The following SLC35D1 variants were observed in gnomAD, a reference collection of about 807,000 sequenced individuals.
SLC35D1 encodes the protein nucleotide sugar transporter SLC35D1.
SLC35D1 carries 31 observed loss-of-function variants against 46.7 expected under a neutral mutation model. The ratio of observed to expected loss-of-function variants is 0.66; its 90% CI spans 0.50 to 0.90. The LOEUF (loss-of-function observed/expected upper bound fraction) is 0.90, where lower values mean the gene tolerates loss of function less well. SLC35D1 is among the 40% of genes least tolerant of loss of function. The pLI is 0.00. For synonymous variants in SLC35D1, 195 were observed against 164.6 expected (o/e 1.18, Z -1.41); for missense variants, 397 against 426.2 (o/e 0.93, Z 0.60).
the SLC35D1 span, chr1:66,988,399 T>TA: frequency 6.6e-6 from 1 of 152,048 alleles, no homozygotes; most frequent in African/African-American, 2.4e-5. Context: ...TCCACCCACT[T>TA]ACAGACTGAT....
chr1:67,017,485 C>G (rs766314062), intron 10 of SLC35D1, among the ~76,000 whole-genome samples: 15 of 152,040 alleles, frequency 9.9e-5, no homozygotes, highest in Non-Finnish European at 1.8e-4. Context: ...TCTTAAAGCC[C>G]TACAAACTGA....
chr1:66,985,224 C>T, the SLC35D1 span: 1 of 969,080 alleles, frequency 1.0e-6, no homozygotes, highest in Non-Finnish European at 1.2e-6. Flanking sequence ...GTATCTGTAC[C>T]TTCTCATTTG....
At chr1:67,022,841 C>T (rs547052642) in intron 8 of SLC35D1, among the ~76,000 whole-genome samples, 33 of 152,236 alleles carry the variant, frequency 2.2e-4, no homozygotes, top group South Asian at 8.3e-4. Flanking sequence ...AGTCAATCTC[C>T]CCTCCATTTC....
rs760133163 is a variant in SLC35D1 at position 67,052,059 on chromosome 1, T to C, written c.345A>G (p.Leu115=). The change falls in exon 4 of 12, where the codon CTA becomes CTG. Residue 115 remains leucine, a synonymous_variant. Transcript: ENST00000235345. Reference sequence around the variant, plus strand: ...GTCCCGTGATTTGGTTCCCAAAATATAGTAGAGGTAGTGGAAACGTCTAGA... The same window carrying C: ...GTCCCGTGATTTGGTTCCCAAAATACAGTAGAGGTAGTGGAAACGTCTAGA... The part of the protein sequence containing the change: ...VPRKTFPLPL[L]YFGNQITGLF... 5.0e-6 allele frequency: 8 copies of C among 1,608,778 alleles called. No homozygotes were observed. The highest frequency in any genetic ancestry group is 4.5e-5 in the East Asian group (2 of 44,764).
At chr1:67,052,715 T>C (rs1214497869) in intron 3 of SLC35D1, 56 bp downstream of exon 3, 7 of 1,579,010 alleles carry the variant, frequency 4.4e-6, no homozygotes, top group African/African-American at 1.3e-5. Flanking sequence ...TGATAAAATA[T>C]GTTAATACAT....
chr1:66,998,823 G>A (rs147176089), downstream of SLC35D1, among the ~76,000 whole-genome samples: 471 of 152,260 alleles, frequency 3.1e-3, 2 homozygotes, highest in African/African-American at 0.011. Flanking sequence ...GGTGGTTATC[G>A]ATGACTGAGG....
the SLC35D1 span, among the ~76,000 whole-genome samples, chr1:66,984,013 T>C: frequency 0.019 from 2,874 of 152,350 alleles, 45 homozygotes; most frequent in Middle Eastern, 0.051. Flanking sequence ...CGTGAGCCAC[T>C]GCACCCAGCC....
intron 8 of SLC35D1, among the ~76,000 whole-genome samples, chr1:67,027,777 G>C (rs938800052): frequency 2.0e-5 from 3 of 152,124 alleles, no homozygotes; most frequent in Non-Finnish European, 4.4e-5. Context: ...TGTTGCCGAG[G>C]CTGGAGTGCA....
At chr1:67,047,843 A>T (rs1448952260) in intron 6 of SLC35D1, among the ~76,000 whole-genome samples, 1 of 152,038 alleles carries the variant, frequency 6.6e-6, no homozygotes, top group Non-Finnish European at 1.5e-5. Flanking sequence ...GATCATGGTT[A>T]GTTCTGAGAT....
intron 11 of SLC35D1, among the ~76,000 whole-genome samples, chr1:67,008,738 C>A (rs1558149925): frequency 1.3e-5 from 2 of 152,078 alleles, no homozygotes; most frequent in Non-Finnish European, 2.9e-5. Flanking sequence ...GGCCAGGGAA[C>A]AACAGTCCTA....
At chr1:67,049,189 G>T (rs999358994) in intron 6 of SLC35D1, among the ~76,000 whole-genome samples, 26 of 152,190 alleles carry the variant, frequency 1.7e-4, no homozygotes, top group African/African-American at 6.0e-4. Flanking sequence ...AGCTACTCGG[G>T]AGGCTGAGGC....
intron 10 of SLC35D1, among the ~76,000 whole-genome samples, chr1:67,011,439 T>C (rs1255372098): frequency 1.3e-5 from 2 of 152,174 alleles, no homozygotes. Flanking sequence ...TGGAATCTGG[T>C]CAAGTGGATG....
At chr1:67,039,493 T>TTGTGTGTGTGTGTGTGTG (rs71801070) in intron 8 of SLC35D1, among the ~76,000 whole-genome samples, 2 of 148,666 alleles carry the variant, frequency 1.3e-5, no homozygotes, top group East Asian at 2.0e-4. Flanking sequence ...AGTGAAAAAA[T>TTGTGTGTGTGTGTGTGTG]TGTGTGTGTG....
At chr1:66,974,259 T>C in the SLC35D1 span, among the ~76,000 whole-genome samples, 12 of 152,222 alleles carry the variant, frequency 7.9e-5, no homozygotes, top group Non-Finnish European at 1.6e-4. Flanking sequence ...GTAATTAGTT[T>C]CAAAAATGTA....
Position 67,020,394 on chromosome 1 carries a change from G to T in SLC35D1, c.851C>A (p.Thr284Lys), listed in dbSNP as rs143745141. ...VLCTQYNSAL[T>K]TTIVGCIKNI... ...CTTAATACAGCCAACTATTGTAGTTGTAAGAGCAGAATTATACTGCGTGCA... is the reference window on the plus strand; with the variant it reads ...CTTAATACAGCCAACTATTGTAGTTTTAAGAGCAGAATTATACTGCGTGCA... The change falls in exon 10 of 12, where the codon ACA becomes AAA. Residue 284 changes from threonine (T) to lysine (K), a missense_variant. Thr to Lys is a moderately conservative substitution (Grantham distance 78). Transcript: ENST00000235345. 2 of 1,608,886 alleles carry T rather than the reference G, an allele frequency of 1.2e-6. No homozygotes were observed. Among genetic ancestry groups the T allele is most frequent in the African/African-American group, 1.3e-5 (1 of 74,916 alleles).
Position 67,015,333 on chromosome 1 carries a change from C to T in SLC35D1, c.876+5036G>A, listed in dbSNP as rs115907001. On this transcript the variant is annotated intron_variant, in intron 10 of 11. Transcript: ENST00000235345. Reference sequence around the variant, plus strand: ...AAATTAAATAGATTTATTTACAAGGCTTTATTAAAAATTAACTTTAATGTT... The same window carrying T: ...AAATTAAATAGATTTATTTACAAGGTTTTATTAAAAATTAACTTTAATGTT... Among the ~76,000 whole-genome samples the T allele has an allele frequency of 5.9e-3, 901 of 151,886 alleles. 7 individuals carry two copies. The highest frequency in any genetic ancestry group is 0.02 in the African/African-American group (840 of 41,442).
chr1:66,976,766 A>G, the SLC35D1 span: 3 of 1,444,032 alleles, frequency 2.1e-6, no homozygotes, highest in Non-Finnish European at 2.8e-6. Context: ...CATTTTTGCT[A>G]AGCTTTTCTA....
At chr1:66,994,147 TAGCACAGGTGGGCCATG>T in the SLC35D1 span, among the ~76,000 whole-genome samples, 1 of 152,202 alleles carries the variant, frequency 6.6e-6, no homozygotes, top group Non-Finnish European at 1.5e-5. Context: ...CTCTCAGCCC[TAGCACAGGTGGGCCATG>T]AGCCCTTCGG....
Position 67,051,929 on chromosome 1 carries a change from C to CA in SLC35D1, c.392+82dup, listed in dbSNP as rs1157078562. 3.1e-5 allele frequency: 30 copies of CA among 972,630 alleles called. 2 individuals carry two copies. Among genetic ancestry groups the CA allele is most frequent in the Non-Finnish European group, 3.0e-5 (18 of 607,166 alleles). The allele number at this position is 972,630 out of a possible 1,614,324, so 60.2% of individuals were successfully genotyped here. A position where few individuals can be genotyped will look rare whatever the true frequency, so the allele number is the denominator to read the frequency against. ...TTTCATTTTTTTCCAGAATCAATAA[C>CA]AATGTGTTAAATATTTGACATTCAA... On this transcript the variant is annotated intron_variant, in intron 4 of 11. Coordinates refer to ENST00000235345, the MANE Select transcript of SLC35D1 (RefSeq NM_015139.3).
Sources: allele counts gnomAD v4.1 joint callset (sites outside exome capture counted in the v4.1 genomes callset), GRCh38; gene constraint gnomAD v4.1.1; transcripts MANE v1.5; gene names NCBI Gene and HGNC (gene_info 2026-07-23, HGNC 2026-07-21).